GPHN: variants seen among roughly 807,000 people sequenced by gnomAD.
The protein encoded by GPHN is gephyrin.
Under a neutral mutation model 95.5 loss-of-function variants are expected in GPHN, and 17 were observed. The observed-to-expected ratio is 0.18, with a 90% CI of 0.12 to 0.27. The LOEUF (loss-of-function observed/expected upper bound fraction) is 0.27, where lower values mean the gene tolerates loss of function less well. Ranked by LOEUF, GPHN falls within the 10% of genes least tolerant of loss-of-function variation. The pLI is 1.00. For missense variants in GPHN, 660 were observed against 978.1 expected (o/e 0.67, Z 4.34); for synonymous variants, 320 against 322.5 (o/e 0.99, Z 0.08).
intron 5 of GPHN, among the ~76,000 whole-genome samples, chr14:66,895,398 A>G (rs1028995862): frequency 1.3e-5 from 2 of 152,160 alleles, no homozygotes; most frequent in African/African-American, 4.8e-5. Context: ...TAGGAGATAT[A>G]CCTAATGTAA....
In GPHN at chr14:66,779,063, GA is replaced by G. The variant is rs2059508672; in HGVS notation, c.201+2549del. Among the ~76,000 whole-genome samples the G allele has an allele frequency of 2.6e-5, 4 of 151,980 alleles. No individual in the cohort carries two copies. In the South Asian group the frequency reaches 8.3e-4, roughly 32 times the overall value. On this transcript the variant is annotated intron_variant, in intron 3 of 22. Transcript: ENST00000478722. ...CAGCCTCAAGGGACATTTTTGAAAAGAAAAAAATCTTGTAATTTGTTTGCAT... is the reference window on the plus strand; with the variant it reads ...CAGCCTCAAGGGACATTTTTGAAAAGAAAAAATCTTGTAATTTGTTTGCAT...
chr14:66,521,689 C>T (rs1307325870), intron 1 of GPHN, among the ~76,000 whole-genome samples: 1 of 151,922 alleles, frequency 6.6e-6, no homozygotes, highest in Non-Finnish European at 1.5e-5. Context: ...GGCACTAATC[C>T]CATTTATGAG....
the GPHN span, chr14:67,663,150 G>C: frequency 1.3e-6 from 2 of 1,532,028 alleles, no homozygotes; most frequent in African/African-American, 2.7e-5. Flanking sequence ...CTGTCCCTTT[G>C]GTTGAGTGTA....
chr14:67,188,838 TTTTC>T, the GPHN span, among the ~76,000 whole-genome samples: 1 of 149,634 alleles, frequency 6.7e-6, no homozygotes, highest in African/African-American at 2.4e-5. Flanking sequence ...TCTTTCTTTC[TTTTC>T]TTTCTTTTTC....
At chr14:66,996,145 A>T in intron 9 of GPHN, 1 of 1,491,298 alleles carries the variant, frequency 6.7e-7, no homozygotes. Flanking sequence ...TTCCTCTTTA[A>T]CAGTGTTTTC....
the GPHN span, among the ~76,000 whole-genome samples, chr14:67,193,044 A>G: frequency 6.9e-6 from 1 of 145,424 alleles, no homozygotes; most frequent in Admixed American, 6.9e-5. Flanking sequence ...CAATATCTAG[A>G]TATAGATATA....
chr14:66,672,449 G>C (rs72726473), intron 1 of GPHN, among the ~76,000 whole-genome samples: 2,675 of 152,166 alleles, frequency 0.018, 33 homozygotes, highest in Non-Finnish European at 0.026. Flanking sequence ...GTTGAATTCA[G>C]CTATATCCTT....
intron 12 of GPHN, among the ~76,000 whole-genome samples, chr14:67,096,120 A>G (rs2077381305): frequency 6.6e-6 from 1 of 152,134 alleles, no homozygotes; most frequent in African/African-American, 2.4e-5. Context: ...CTCTCTTGGT[A>G]CCAAGAAACT....
intron 4 of GPHN, chr14:66,842,818 C>T (rs961999767): frequency 1.2e-5 from 10 of 819,964 alleles, no homozygotes; most frequent in Non-Finnish European, 1.8e-5. Flanking sequence ...CCATTTTTCA[C>T]ATCTGTTTAA....
chr14:67,452,577 G>A, the GPHN span, among the ~76,000 whole-genome samples: 1 of 152,294 alleles, frequency 6.6e-6, no homozygotes, highest in South Asian at 2.1e-4. Context: ...CTTACTGGCA[G>A]GACTAGGATC....
chr14:67,678,477 T>C, the GPHN span: 1 of 1,197,430 alleles, frequency 8.4e-7, no homozygotes, highest in Non-Finnish European at 1.2e-6. Context: ...AAGTCTGCCA[T>C]CTGCCAGGGA....
At chr14:67,193,956 A>AAAAAAAAACAAAAC in the GPHN span, among the ~76,000 whole-genome samples, 1 of 148,810 alleles carries the variant, frequency 6.7e-6, no homozygotes, top group African/African-American at 2.5e-5. Context: ...AAAAAAAACA[A>AAAAAAAAACAAAAC]AAAAAAAACG....
chr14:67,544,116 T>A, the GPHN span, among the ~76,000 whole-genome samples: 673 of 152,166 alleles, frequency 4.4e-3, 18 homozygotes, highest in East Asian at 0.062. Context: ...ATGAACAAAA[T>A]TTAAAAATAA....
intron 1 of GPHN, among the ~76,000 whole-genome samples, chr14:66,587,928 A>C (rs2061490139): frequency 6.6e-6 from 1 of 152,184 alleles, no homozygotes; most frequent in Non-Finnish European, 1.5e-5. Context: ...CCTGACCCTC[A>C]TGCCTCCTGA....
the GPHN span, among the ~76,000 whole-genome samples, chr14:67,420,463 G>T: frequency 6.6e-6 from 1 of 152,218 alleles, no homozygotes; most frequent in Non-Finnish European, 1.5e-5. Flanking sequence ...ATGGTGGAAG[G>T]ATTGAATTCT....
the GPHN span, among the ~76,000 whole-genome samples, chr14:67,543,653 A>G: frequency 6.6e-6 from 1 of 152,118 alleles, no homozygotes; most frequent in Admixed American, 6.6e-5. Flanking sequence ...ACCCTGACTT[A>G]AGCTATGGTG....
chr14:66,837,591 TAATAAAAATAAATAAATA>T (rs1407573600), intron 4 of GPHN, among the ~76,000 whole-genome samples: 164 of 143,706 alleles, frequency 1.1e-3, no homozygotes, highest in African/African-American at 4.1e-3. Flanking sequence ...ACTTAAAGTA[TAATAAAAATAAATAAATA>T]AATAAAAATA....
In GPHN at chr14:66,888,137, C is replaced by T. The variant is rs564187409; in HGVS notation, c.389+8104C>T. Among the ~76,000 whole-genome samples, 5 of 152,206 alleles carry T rather than the reference C, an allele frequency of 3.3e-5. No individual in the cohort carries two copies. In the South Asian group the frequency reaches 1.0e-3, roughly 32 times the overall value. ...TTTGAGACAACTCTAAAACGTAGAA[C>T]ATCTACATAATGCGAATACCCAAAA... On this transcript the variant is annotated intron_variant, in intron 5 of 22. Coordinates refer to ENST00000478722, the MANE Select transcript of GPHN (RefSeq NM_020806.5).
At chr14:67,164,056 G>T (rs182114341) in intron 19 of GPHN, among the ~76,000 whole-genome samples, 1 of 151,700 alleles carries the variant, frequency 6.6e-6, no homozygotes, top group South Asian at 2.1e-4. Flanking sequence ...ATCACCTGAG[G>T]TCGGGAGTTC....
Sources: gnomAD v4.1 joint callset for allele counts (sites outside exome capture counted in the v4.1 genomes callset) on GRCh38, gnomAD v4.1.1 for gene constraint, MANE v1.5 for transcripts, NCBI Gene and HGNC (gene_info 2026-07-23, HGNC 2026-07-21) for gene names.